HDAC9: variants seen among roughly 807,000 people sequenced by gnomAD.
HDAC9 encodes the protein MEF-2 interacting transcription repressor (MITR) protein.
In HDAC9, 41 loss-of-function variants were observed where a neutral mutation model predicts 139.4. That is an observed-to-expected ratio of 0.29 (90% confidence interval 0.23 to 0.38). The LOEUF (loss-of-function observed/expected upper bound fraction) is 0.38, where lower values mean the gene tolerates loss of function less well. HDAC9 is among the 10% of genes least tolerant of loss of function. HDAC9 has a pLI of 1.00. For synonymous variants in HDAC9, 517 were observed against 476.2 expected, an observed-to-expected ratio of 1.09 and a Z score of -1.12; for missense variants, 1,147 against 1,297.0, an observed-to-expected ratio of 0.88 and a Z score of 1.78.
intron 22 of HDAC9, among the ~76,000 whole-genome samples, chr7:18,886,531 G>C (rs1320682817): frequency 6.6e-6 from 1 of 152,068 alleles, no homozygotes; most frequent in Non-Finnish European, 1.5e-5. Context: ...TGAGATTGAG[G>C]CTGTTTTTTT....
intron 17 of HDAC9, among the ~76,000 whole-genome samples, chr7:18,796,625 G>T (rs1164513843): frequency 1.3e-5 from 2 of 152,060 alleles, no homozygotes; most frequent in Non-Finnish European, 2.9e-5. Flanking sequence ...ATTCAAATTG[G>T]CTATTTCTCA....
At chr7:18,641,730 A>G (rs1785654104) in intron 8 of HDAC9, among the ~76,000 whole-genome samples, 5 of 151,996 alleles carry the variant, frequency 3.3e-5, no homozygotes, top group Admixed American at 3.3e-4. Context: ...TTGTCTGAAA[A>G]CACTTGTGAG....
chr7:18,457,168 T>G (rs576200626), intron 1 of HDAC9, among the ~76,000 whole-genome samples: 8 of 152,282 alleles, frequency 5.3e-5, no homozygotes, highest in Middle Eastern at 3.4e-3. Context: ...TTCTTAACCC[T>G]TGCTAATGAG....
intron 1 of HDAC9, among the ~76,000 whole-genome samples, chr7:18,375,496 C>A (rs1440719932): frequency 2.7e-5 from 4 of 149,896 alleles, no homozygotes; most frequent in South Asian, 2.1e-4. Flanking sequence ...AAAAAAAAAA[C>A]AAAAGAGAAT....
At position 18,471,388 on chromosome 7, in the gene HDAC9, C is replaced by G. The variant is rs185685503; in HGVS notation, c.-41-24874C>G. Among the ~76,000 whole-genome samples the G allele has an allele frequency of 2.0e-5, 3 of 152,232 alleles. No homozygotes were observed. The East Asian group carries it at 5.8e-4, about 29-fold the overall frequency. ...TACACAATACCTTTTAGTTTTTATC[C>G]AATATTCCACCTGTTTGCATTAATT... is the stretch of plus-strand genomic sequence containing the variant. On this transcript the variant is annotated intron_variant, in intron 1 of 3. Coordinates refer to the HDAC9 transcript ENST00000413509.
At chr7:18,146,162 C>T (rs151095814) in intron 1 of HDAC9, among the ~76,000 whole-genome samples, 3 of 152,220 alleles carry the variant, frequency 2.0e-5, no homozygotes, top group Admixed American at 1.3e-4. Context: ...TGAATAAATA[C>T]GGCATCAATT....
At chr7:18,244,538 C>T (rs1329752046) in intron 2 of HDAC9, among the ~76,000 whole-genome samples, 5 of 152,160 alleles carry the variant, frequency 3.3e-5, no homozygotes, top group Non-Finnish European at 7.4e-5. Context: ...CTGGCTCATG[C>T]CTATAATCCC....
intron 1 of HDAC9, among the ~76,000 whole-genome samples, chr7:18,460,941 A>G (rs1020434384): frequency 6.6e-6 from 1 of 152,138 alleles, no homozygotes; most frequent in East Asian, 1.9e-4. Flanking sequence ...TTGCAACTCA[A>G]CCTATTTAAT....
intron 15 of HDAC9, 92 bp from the exon 16 acceptor site, chr7:18,767,014 G>A: frequency 1.9e-6 from 1 of 535,050 alleles, no homozygotes; most frequent in East Asian, 3.4e-5. Flanking sequence ...TAAATACCAT[G>A]TGACATATTA....
intron 2 of HDAC9, among the ~76,000 whole-genome samples, chr7:18,547,698 C>T (rs973366671): frequency 1.3e-5 from 2 of 152,140 alleles, no homozygotes; most frequent in Non-Finnish European, 2.9e-5. Flanking sequence ...CTTCTCAAAC[C>T]CTGCTTCTGC....
chr7:18,934,226 G>A (rs1781464877), intron 22 of HDAC9, among the ~76,000 whole-genome samples: 1 of 151,736 alleles, frequency 6.6e-6, no homozygotes, highest in Admixed American at 6.6e-5. Flanking sequence ...TCTTCAAAGT[G>A]AACACAAGAC....
At chr7:18,744,362 A>T (rs1049704616) in intron 13 of HDAC9, among the ~76,000 whole-genome samples, 1 of 152,208 alleles carries the variant, frequency 6.6e-6, no homozygotes, top group Non-Finnish European at 1.5e-5. Flanking sequence ...TGAGCATTCA[A>T]TAACTGTCTA....
chr7:18,985,209 G>A (rs1238457828), intron 25 of HDAC9, among the ~76,000 whole-genome samples: 1 of 152,060 alleles, frequency 6.6e-6, no homozygotes, highest in Non-Finnish European at 1.5e-5. Context: ...ATCTCCCAAT[G>A]CTATCCCTAC....
chr7:18,565,304 G>C (rs564741996), intron 2 of HDAC9, among the ~76,000 whole-genome samples: 7 of 152,212 alleles, frequency 4.6e-5, no homozygotes, highest in Non-Finnish European at 1.0e-4. Flanking sequence ...CCAAATAAAT[G>C]TATTTTTTAA....
intron 2 of HDAC9, among the ~76,000 whole-genome samples, chr7:18,168,191 A>T (rs1200297911): frequency 6.6e-6 from 1 of 152,220 alleles, no homozygotes; most frequent in African/African-American, 2.4e-5. Flanking sequence ...ATGTCAATTT[A>T]TCTGAAATTA....
chr7:18,707,164 G>A (rs772654715), intron 12 of HDAC9, among the ~76,000 whole-genome samples: 2 of 152,216 alleles, frequency 1.3e-5, no homozygotes, highest in Non-Finnish European at 2.9e-5. Flanking sequence ...GCGAGATGGC[G>A]TGGAAGCCAG....
At chr7:18,754,590 G>A (rs756723508) in intron 14 of HDAC9, among the ~76,000 whole-genome samples, 2 of 152,008 alleles carry the variant, frequency 1.3e-5, no homozygotes, top group South Asian at 2.1e-4. Context: ...ACTTTGCTTC[G>A]CTTAATTCAT....
chr7:18,160,766 A>G (rs1028166811), intron 1 of HDAC9, among the ~76,000 whole-genome samples: 1 of 151,982 alleles, frequency 6.6e-6, no homozygotes, highest in Non-Finnish European at 1.5e-5. Context: ...ACAGGCGCCC[A>G]CCACCATGCC....
Position 18,448,692 on chromosome 7 carries a change from C to G in HDAC9, c.-41-47570C>G, listed in dbSNP as rs1001529414. ...TCTGAAAACAATTTGGAAGAGACTCCTTTCAAAAATATATTGCAAAAATGG... is the reference window on the plus strand; with the variant it reads ...TCTGAAAACAATTTGGAAGAGACTCGTTTCAAAAATATATTGCAAAAATGG... On this transcript the variant is annotated intron_variant, in intron 1 of 3. Coordinates refer to the HDAC9 transcript ENST00000413509. Among the ~76,000 whole-genome samples, 8 of 151,980 alleles carry G rather than the reference C, an allele frequency of 5.3e-5. 1 individual carries two copies. Among genetic ancestry groups the G allele is most frequent in the Admixed American group, 5.2e-4 (8 of 15,246 alleles).
Sources: gnomAD v4.1 joint callset for allele counts (sites outside exome capture counted in the v4.1 genomes callset) on GRCh38, gnomAD v4.1.1 for gene constraint, MANE v1.5 for transcripts, NCBI Gene and HGNC (gene_info 2026-07-23, HGNC 2026-07-21) for gene names.